The following NCOA2 variants were observed in gnomAD, a reference collection of about 807,000 sequenced individuals.
The protein encoded by NCOA2 is class E basic helix-loop-helix protein 75.
In NCOA2, 21 loss-of-function variants were observed where a neutral mutation model predicts 145.1. The ratio of observed to expected loss-of-function variants is 0.14; its 90% CI spans 0.10 to 0.21. The LOEUF is 0.21. Ranked by LOEUF, NCOA2 falls within the 10% of genes least tolerant of loss-of-function variation. NCOA2 has a pLI of 1.00. For synonymous variants in NCOA2, 619 were observed against 637.5 expected (o/e 0.97, Z 0.44); for missense variants, 1,472 against 1,837.6 (o/e 0.80, Z 3.64).
chr8:70,399,689 T>C (rs1814039565), intron 1 of NCOA2, among the ~76,000 whole-genome samples: 1 of 152,266 alleles, frequency 6.6e-6, no homozygotes, highest in Admixed American at 6.5e-5. Flanking sequence ...CTTTTAAATA[T>C]AACTTCGATC....
intron 1 of NCOA2, among the ~76,000 whole-genome samples, chr8:70,335,716 TAGGGATACC>T (rs1807525087): frequency 6.6e-6 from 1 of 152,170 alleles, no homozygotes; most frequent in African/African-American, 2.4e-5. Context: ...CAATTAATGA[TAGGGATACC>T]TTCCAAGAAA....
intron 2 of NCOA2, among the ~76,000 whole-genome samples, chr8:70,293,960 G>C (rs897588032): frequency 2.6e-5 from 4 of 152,082 alleles, no homozygotes; most frequent in African/African-American, 9.7e-5. Flanking sequence ...CTTTTGGAAA[G>C]TCTAAGGAAG....
intron 19 of NCOA2, 111 bp downstream of exon 19, chr8:70,126,702 G>T (rs907815011): frequency 1.0e-6 from 1 of 953,418 alleles, no homozygotes; most frequent in Non-Finnish European, 1.6e-6. Flanking sequence ...TGGTTAGCCA[G>T]ATTCATCTGG....
chr8:70,226,662 A>ATT (rs964749276), intron 2 of NCOA2, among the ~76,000 whole-genome samples: 18 of 9,358 alleles, frequency 1.9e-3, no homozygotes, highest in African/African-American at 5.4e-3. Flanking sequence ...TTAATTATTT[A>ATT]TATATATATA....
chr8:70,110,444 A>G lies in NCOA2; in HGVS notation c.*3188T>C, dbSNP rs1806442525. ...TAGTCTATAAAGAAACACCAGGGAG[A>G]AAATTCTAATTAAAATCGAAGCCAC... On this transcript the variant is annotated 3_prime_UTR_variant, in exon 23 of 23. Transcript: ENST00000452400. The G allele has an allele frequency of 1.5e-5, 3 of 196,456 alleles. No individual in the cohort carries two copies. Among genetic ancestry groups the G allele is most frequent in the Non-Finnish European group, 3.2e-5 (3 of 94,832 alleles). 12.2% of individuals were successfully genotyped at this position (196,456 alleles called of 1,614,324 possible).
At chr8:70,260,254 C>G (rs771970810) in intron 2 of NCOA2, among the ~76,000 whole-genome samples, 3 of 151,974 alleles carry the variant, frequency 2.0e-5, no homozygotes, top group Admixed American at 6.5e-5. Context: ...CACAGCTCAC[C>G]GCAGCCTCGA....
chr8:70,131,505 C>A (rs1375957760), intron 16 of NCOA2, among the ~76,000 whole-genome samples: 2 of 152,188 alleles, frequency 1.3e-5, no homozygotes, highest in African/African-American at 4.8e-5. Context: ...GGTCACAAGG[C>A]AGCAATGTGC....
intron 4 of NCOA2, among the ~76,000 whole-genome samples, chr8:70,207,862 C>CAAAAAAAAAAAAAAAAAAAAA (rs754670876): frequency 5.5e-5 from 2 of 36,198 alleles, no homozygotes; most frequent in African/African-American, 1.1e-4. Context: ...GACTCCACCT[C>CAAAAAAAAAAAAAAAAAAAAA]AAAAAAAAAA....
At chr8:70,302,354 T>A (rs1033872428) in intron 1 of NCOA2, among the ~76,000 whole-genome samples, 1 of 152,204 alleles carries the variant, frequency 6.6e-6, no homozygotes, top group African/African-American at 2.4e-5. Flanking sequence ...CTCAGAAGAA[T>A]AATTTATAAA....
At chr8:70,155,919 T>G in intron 11 of NCOA2, 52 bp downstream of exon 11, 1 of 1,427,628 alleles carries the variant, frequency 7.0e-7, no homozygotes, top group South Asian at 1.4e-5. Flanking sequence ...ATGGAGAAAA[T>G]CCTTGATGGA....
chr8:70,151,338 A>G (rs1585854548), intron 11 of NCOA2, among the ~76,000 whole-genome samples: 1 of 151,474 alleles, frequency 6.6e-6, no homozygotes, highest in Admixed American at 6.6e-5. Context: ...CCCAGGCTGG[A>G]GTGCAGTGGT....
chr8:70,431,668 A>AT, the NCOA2 span, among the ~76,000 whole-genome samples: 1 of 152,236 alleles, frequency 6.6e-6, no homozygotes, highest in Admixed American at 6.5e-5. Flanking sequence ...TATGCATTTC[A>AT]AACCTTGAAT....
chr8:70,277,928 T>C (rs1463842169), intron 2 of NCOA2, among the ~76,000 whole-genome samples: 2 of 151,902 alleles, frequency 1.3e-5, no homozygotes, highest in East Asian at 3.9e-4. Context: ...TGCCATACAA[T>C]TCATCAATTT....
chr8:70,284,032 T>C (rs1396793130), intron 2 of NCOA2, among the ~76,000 whole-genome samples: 1 of 152,174 alleles, frequency 6.6e-6, no homozygotes, highest in African/African-American at 2.4e-5. Context: ...TTCCCCTCCA[T>C]GTTAGAAACA....
At position 70,309,246 on chromosome 8, in the gene NCOA2, G is replaced by A. The variant is rs552448968; in HGVS notation, c.-76-12446C>T. On this transcript the variant is annotated intron_variant, in intron 1 of 22. Coordinates refer to ENST00000452400, the MANE Select transcript of NCOA2 (RefSeq NM_006540.4). The stretch of plus-strand genomic sequence containing the variant: ...AGAAGAGACAAACCATCCCTATTGT[G>A]CCCTGTCCAAATTCCTAACCCACAG... 2.0e-5 allele frequency among the ~76,000 whole-genome samples: 3 copies of A among 151,908 alleles called. No homozygotes were observed. The South Asian group carries it at 6.2e-4, about 32-fold the overall frequency.
intron 11 of NCOA2, among the ~76,000 whole-genome samples, chr8:70,149,028 ATAAGCTT>A (rs1295265648): frequency 1.3e-5 from 2 of 151,900 alleles, no homozygotes; most frequent in Non-Finnish European, 2.9e-5. Flanking sequence ...GAGAAGCAAA[ATAAGCTT>A]GAAGCATCCA....
At chr8:70,263,191 C>T (rs1156462984) in intron 2 of NCOA2, among the ~76,000 whole-genome samples, 1 of 144,736 alleles carries the variant, frequency 6.9e-6, no homozygotes, top group Non-Finnish European at 1.5e-5. Flanking sequence ...ACCTGATAAC[C>T]AAGCCGGCTA....
intron 1 of NCOA2, among the ~76,000 whole-genome samples, chr8:70,341,692 ACT>A (rs573735950): frequency 1.2e-3 from 182 of 152,336 alleles, no homozygotes; most frequent in African/African-American, 4.2e-3. Flanking sequence ...TTAAAATATT[ACT>A]GTCTTGTTTA....
At chr8:70,142,592 A>G (rs1309239648) in intron 13 of NCOA2, among the ~76,000 whole-genome samples, 1 of 152,104 alleles carries the variant, frequency 6.6e-6, no homozygotes, top group Non-Finnish European at 1.5e-5. Context: ...CCAATTACTC[A>G]GGAGGCTGAG....
Sources: allele counts gnomAD v4.1 joint callset (sites outside exome capture counted in the v4.1 genomes callset), GRCh38; gene constraint gnomAD v4.1.1; transcripts MANE v1.5; gene names NCBI Gene and HGNC (gene_info 2026-07-23, HGNC 2026-07-21).